The following PELI2 variants were observed in gnomAD, a reference collection of about 807,000 sequenced individuals.
The protein encoded by PELI2 is pellino E3 ubiquitin protein ligase family member 2.
In PELI2, 23 loss-of-function variants were observed where a neutral mutation model predicts 42.3. The ratio of observed to expected loss-of-function variants is 0.54; its 90% CI spans 0.39 to 0.77. The LOEUF (loss-of-function observed/expected upper bound fraction) is 0.77, where lower values mean the gene tolerates loss of function less well. PELI2 is among the 30% of genes least tolerant of loss of function. The pLI is 0.00. For synonymous variants in PELI2, 245 were observed against 212.2 expected (o/e 1.15, Z -1.34); for missense variants, 463 against 553.2 (o/e 0.84, Z 1.64).
Position 56,220,344 on chromosome 14 carries a change from T to C in PELI2, c.207+41880T>C, listed in dbSNP as rs538425108. ...CACAGATGACAATCTGGCCGGAAGC[T>C]AGTACTTGGGGAAAAAAATAAGGGA... is the stretch of plus-strand genomic sequence containing the variant. On this transcript the variant is annotated intron_variant, in intron 2 of 5. Coordinates refer to ENST00000267460, the MANE Select transcript of PELI2 (RefSeq NM_021255.3). Among the ~76,000 whole-genome samples, 5 of 152,270 alleles carry C rather than the reference T, an allele frequency of 3.3e-5. No homozygotes were observed. In the South Asian group the frequency reaches 1.0e-3, roughly 32 times the overall value.
intron 1 of PELI2, among the ~76,000 whole-genome samples, chr14:56,136,975 C>T (rs559739100): frequency 1.3e-5 from 2 of 152,288 alleles, no homozygotes; most frequent in South Asian, 2.1e-4. Context: ...TCCTTGCCTT[C>T]TAGTTAGAGG....
intron 2 of PELI2, among the ~76,000 whole-genome samples, chr14:56,207,944 T>C (rs1886578740): frequency 6.6e-6 from 1 of 152,230 alleles, no homozygotes; most frequent in Non-Finnish European, 1.5e-5. Flanking sequence ...GGTTGTCAGG[T>C]ATTCAGGCTG....
intron 2 of PELI2, among the ~76,000 whole-genome samples, chr14:56,275,145 T>C (rs1889246203): frequency 6.6e-6 from 1 of 152,054 alleles, no homozygotes; most frequent in South Asian, 2.1e-4. Flanking sequence ...GGTGGAAAAA[T>C]AAATAAGACT....
chr14:56,139,491 T>C (rs1311514851), intron 1 of PELI2, among the ~76,000 whole-genome samples: 1 of 152,190 alleles, frequency 6.6e-6, no homozygotes, highest in Non-Finnish European at 1.5e-5. Flanking sequence ...TTTCCCCCGT[T>C]TGTTGCTGCT....
intron 1 of PELI2, among the ~76,000 whole-genome samples, chr14:56,156,898 C>T (rs1222878491): frequency 6.6e-6 from 1 of 152,172 alleles, no homozygotes; most frequent in East Asian, 1.9e-4. Flanking sequence ...AATCTTCTTA[C>T]ATTTCACGAA....
At chr14:56,151,583 G>A (rs1340037345) in intron 1 of PELI2, among the ~76,000 whole-genome samples, 2 of 152,178 alleles carry the variant, frequency 1.3e-5, no homozygotes, top group African/African-American at 2.4e-5. Context: ...CTGCTGCTGC[G>A]TAGCTCCGTG....
intron 1 of PELI2, among the ~76,000 whole-genome samples, chr14:56,153,225 A>G (rs1884427555): frequency 6.6e-6 from 1 of 152,198 alleles, no homozygotes; most frequent in Admixed American, 6.5e-5. Flanking sequence ...TTGAAGATGA[A>G]CTTTTTTGGC....
intron 2 of PELI2, among the ~76,000 whole-genome samples, chr14:56,235,877 A>G (rs12890625): frequency 0.4 from 61,336 of 152,104 alleles, 13,094 homozygotes; most frequent in South Asian, 0.53. Context: ...GTACAAAGGC[A>G]TAACCTAGCT....
chr14:56,278,146 A>G (rs1889356273), intron 2 of PELI2, among the ~76,000 whole-genome samples: 2 of 151,936 alleles, frequency 1.3e-5, no homozygotes, highest in South Asian at 4.2e-4. Context: ...TTTGTAATCA[A>G]CTCCTGATTG....
chr14:56,272,957 C>T (rs1485296550), intron 2 of PELI2, among the ~76,000 whole-genome samples: 1 of 152,152 alleles, frequency 6.6e-6, no homozygotes, highest in African/African-American at 2.4e-5. Context: ...TGCTCTGGTA[C>T]CAGTAGGCCT....
At position 56,273,079 on chromosome 14, in the gene PELI2, GA is replaced by G. The variant is rs988771036; in HGVS notation, c.208-6595del. The stretch of plus-strand genomic sequence containing the variant: ...ATTATTTTGTGGGTCAGGAATCTGG[GA>G]AGGGCACCACTGAGTAGTCAGTCTC... On this transcript the variant is annotated intron_variant, in intron 2 of 5. Coordinates refer to ENST00000267460, the MANE Select transcript of PELI2 (RefSeq NM_021255.3). This position sits in a 1 kb window ranked among gnomAD's most constrained non-coding sequence, Gnocchi z 4.3. Among the ~76,000 whole-genome samples the G allele has an allele frequency of 6.6e-6, 1 of 152,200 alleles. No homozygotes were observed. Among genetic ancestry groups the G allele is most frequent in the African/African-American group, 2.4e-5 (1 of 41,448 alleles).
intron 2 of PELI2, among the ~76,000 whole-genome samples, chr14:56,274,723 C>CT (rs1250041132): frequency 1.1e-4 from 17 of 152,196 alleles, no homozygotes; most frequent in Admixed American, 3.9e-4. Flanking sequence ...GCTGGCAGAG[C>CT]TGAGCCTGTG....
intron 1 of PELI2, among the ~76,000 whole-genome samples, chr14:56,177,408 A>T (rs1171939435): frequency 6.6e-6 from 1 of 152,218 alleles, no homozygotes; most frequent in African/African-American, 2.4e-5. Flanking sequence ...GCTGTCATAC[A>T]TACCTCTGTA....
At chr14:56,194,263 TC>T (rs1886053099) in intron 2 of PELI2, among the ~76,000 whole-genome samples, 2 of 152,162 alleles carry the variant, frequency 1.3e-5, no homozygotes. Context: ...GTGCCCCTGT[TC>T]CTGTCGTCAG....
At chr14:56,222,017 G>A (rs1218191431) in intron 2 of PELI2, among the ~76,000 whole-genome samples, 1 of 151,642 alleles carries the variant, frequency 6.6e-6, no homozygotes, top group Non-Finnish European at 1.5e-5. Context: ...TTGTGTTAAG[G>A]TAGATTTCCT....
chr14:56,251,617 T>C (rs968124125), intron 2 of PELI2, among the ~76,000 whole-genome samples: 2 of 152,186 alleles, frequency 1.3e-5, no homozygotes, highest in Admixed American at 6.5e-5. Context: ...TGTGAGCCCC[T>C]GTTTGATTCC....
At chr14:56,133,434 T>G (rs1304812349) in intron 1 of PELI2, among the ~76,000 whole-genome samples, 1 of 152,116 alleles carries the variant, frequency 6.6e-6, no homozygotes. Context: ...TCTGAGAGCT[T>G]TAGAAGATCT....
At chr14:56,221,326 G>A (rs1887125096) in intron 2 of PELI2, among the ~76,000 whole-genome samples, 1 of 152,154 alleles carries the variant, frequency 6.6e-6, no homozygotes, top group African/African-American at 2.4e-5. Flanking sequence ...TGGGTTCGAG[G>A]CATCAGCTTG....
At chr14:56,269,994 A>G (rs1294063931) in intron 2 of PELI2, among the ~76,000 whole-genome samples, 1 of 152,210 alleles carries the variant, frequency 6.6e-6, no homozygotes, top group Non-Finnish European at 1.5e-5. Flanking sequence ...ACCCCAAATT[A>G]GAAACAGACT....
Sources: gnomAD v4.1 joint callset for allele counts (sites outside exome capture counted in the v4.1 genomes callset) on GRCh38, gnomAD v4.1.1 for gene constraint, Gnocchi (gnomAD v3.1) non-coding constraint, MANE v1.5 for transcripts, NCBI Gene and HGNC (gene_info 2026-07-23, HGNC 2026-07-21) for gene names.